The following MAP4K4 variants were observed in gnomAD, a reference collection of about 807,000 sequenced individuals.
The protein encoded by MAP4K4 is mitogen-activated protein kinase kinase kinase kinase 4.
Under a neutral mutation model 189.6 loss-of-function variants are expected in MAP4K4, and 38 were observed. The observed-to-expected ratio is 0.20, with a 90% CI of 0.15 to 0.26. The LOEUF is 0.26. Ranked by LOEUF, MAP4K4 falls within the 10% of genes least tolerant of loss-of-function variation. The probability of loss-of-function intolerance (pLI) is 1.00; values close to 1 mark genes in which losing one functional copy is unlikely to be tolerated. For synonymous variants in MAP4K4, 610 were observed against 624.3 expected (o/e 0.98, Z 0.34); for missense variants, 1,054 against 1,726.9 (o/e 0.61, Z 6.91).
intron 2 of MAP4K4, among the ~76,000 whole-genome samples, chr2:101,723,313 T>A (rs919143377): frequency 4.6e-5 from 7 of 152,338 alleles, no homozygotes; most frequent in Admixed American, 1.3e-4. Context: ...GACATCTCAC[T>A]GTATAAACTA....
intron 2 of MAP4K4, among the ~76,000 whole-genome samples, chr2:101,785,148 A>T (rs2089989811): frequency 6.6e-6 from 1 of 152,208 alleles, no homozygotes; most frequent in South Asian, 2.1e-4. Flanking sequence ...TGTTATTCCT[A>T]ACTTCTGTGT....
rs1324043866 is a variant in MAP4K4 at position 101,792,610 on chromosome 2, C to CTCT, written c.180+1836_180+1837insTTC. Among the ~76,000 whole-genome samples, 267 of 149,284 alleles carry CTCT rather than the reference C, an allele frequency of 1.8e-3. 2 individuals are homozygous for CTCT. Among genetic ancestry groups the CTCT allele is most frequent in the African/African-American group, 6.5e-3 (254 of 39,244 alleles). On this transcript the variant is annotated intron_variant, in intron 3 of 32. Coordinates refer to ENST00000324219, the Ensembl canonical transcript of MAP4K4. ...CCTTCTCCTCCTTCTCCTCCTCCTC[C>CTCT]TCCTCCTCCTCCTCCTCCTTCTTCT... is the stretch of plus-strand genomic sequence containing the variant.
Position 101,871,487 on chromosome 2 carries a change from T to C in MAP4K4, c.2761-7T>C, listed in dbSNP as rs2098021913. Reference sequence around the variant, plus strand: ...GAGCGAGACAAGTGTGCCTGTTTTTTCTACAGAGTACAGTTGACCAAAAGC... The same window carrying C: ...GAGCGAGACAAGTGTGCCTGTTTTTCCTACAGAGTACAGTTGACCAAAAGC... On this transcript the variant is annotated splice_region_variant and splice_polypyrimidine_tract_variant and intron_variant, in intron 23 of 32. Coordinates refer to ENST00000324219, the Ensembl canonical transcript of MAP4K4. The C allele has an allele frequency of 6.6e-7, 1 of 1,526,714 alleles. No homozygotes were observed. Among genetic ancestry groups the C allele is most frequent in the South Asian group, 1.2e-5 (1 of 83,320 alleles). 94.6% of individuals were successfully genotyped at this position (1,526,714 alleles called of 1,614,324 possible).
At chr2:101,836,448 C>T (rs1006778787) in intron 9 of MAP4K4, among the ~76,000 whole-genome samples, 3 of 152,106 alleles carry the variant, frequency 2.0e-5, no homozygotes, top group African/African-American at 4.8e-5. Flanking sequence ...ATTAGCCGGG[C>T]GTGGTGGCAC....
chr2:101,891,163 C>T lies in MAP4K4; in HGVS notation c.4072-3C>T, dbSNP rs1211789841. 1.2e-6 allele frequency: 2 copies of T among 1,612,826 alleles called. No homozygotes were observed. The highest frequency in any genetic ancestry group is 3.3e-5 in the Admixed American group (2 of 60,010). ...CATTCCCTCTCTTTTCTTGCTTTTG[C>T]AGGTGTTCTTTGCCTCTGTTCGGTC... On this transcript the variant is annotated splice_polypyrimidine_tract_variant and splice_region_variant and intron_variant, in intron 32 of 32. Transcript: ENST00000324219.
At chr2:101,734,019 C>G (rs532496710) in intron 2 of MAP4K4, among the ~76,000 whole-genome samples, 3 of 152,260 alleles carry the variant, frequency 2.0e-5, no homozygotes, top group East Asian at 1.9e-4. Flanking sequence ...TTCATAAATT[C>G]GACCGAGCTT....
At chr2:101,707,007 CT>C (rs1007518330) in intron 2 of MAP4K4, among the ~76,000 whole-genome samples, 2 of 152,046 alleles carry the variant, frequency 1.3e-5, no homozygotes, top group African/African-American at 4.8e-5. Context: ...GAAAGGGGAC[CT>C]GGGGCTTTCA....
chr2:101,760,109 G>C (rs2075540311), intron 2 of MAP4K4, among the ~76,000 whole-genome samples: 1 of 151,952 alleles, frequency 6.6e-6, no homozygotes, highest in Admixed American at 6.5e-5. Context: ...GCCTCCCAAA[G>C]TGTTGGGATC....
intron 3 of MAP4K4, among the ~76,000 whole-genome samples, chr2:101,817,887 C>T (rs2095817188): frequency 6.6e-6 from 1 of 152,054 alleles, no homozygotes. Context: ...ACTGATTGAT[C>T]TTGGGGGGTG....
chr2:101,729,103 T>A (rs12474226), intron 2 of MAP4K4, among the ~76,000 whole-genome samples: 255 of 95,042 alleles, frequency 2.7e-3, no homozygotes, highest in South Asian at 0.01. Context: ...AGAGAGAGAG[T>A]GTGTGTGTGT....
At chr2:101,811,682 G>A (rs1380231054) in intron 3 of MAP4K4, among the ~76,000 whole-genome samples, 1 of 152,146 alleles carries the variant, frequency 6.6e-6, no homozygotes, top group Non-Finnish European at 1.5e-5. Context: ...CCCACATGGT[G>A]TTTGCTATGA....
chr2:101,751,971 T>C (rs981914575), intron 2 of MAP4K4, among the ~76,000 whole-genome samples: 9 of 152,158 alleles, frequency 5.9e-5, no homozygotes, highest in African/African-American at 2.2e-4. Flanking sequence ...CTTATCAATG[T>C]TTTACATTTT....
chr2:101,762,954 G>C (rs941192110), intron 2 of MAP4K4, among the ~76,000 whole-genome samples: 12 of 152,282 alleles, frequency 7.9e-5, no homozygotes, highest in Admixed American at 6.5e-4. Flanking sequence ...GCCGCCATTT[G>C]TGGAAATGTG....
chr2:101,789,441 G>T (rs1486362876), intron 2 of MAP4K4, among the ~76,000 whole-genome samples: 8 of 152,062 alleles, frequency 5.3e-5, no homozygotes, highest in Admixed American at 5.2e-4. Context: ...CTATGAAGTG[G>T]GCACTACTAT....
intron 2 of MAP4K4, among the ~76,000 whole-genome samples, chr2:101,706,978 C>T (rs2042645686): frequency 6.6e-6 from 1 of 152,104 alleles, no homozygotes; most frequent in South Asian, 2.1e-4. Flanking sequence ...GAGGCAGTTA[C>T]CAGACTGTGT....
In MAP4K4 at chr2:101,785,623, G is replaced by C. The variant is rs1205507517; in HGVS notation, c.124-5097G>C. On this transcript the variant is annotated intron_variant, in intron 2 of 32. Transcript: ENST00000324219. The stretch of plus-strand genomic sequence containing the variant: ...TGAAGTTACCTAGCCTTTAGTGATA[G>C]TAGAACATTTGAGAAGATAGGAACA... 2.6e-5 allele frequency among the ~76,000 whole-genome samples: 4 copies of C among 151,616 alleles called. 1 individual carries two copies. The highest frequency in any genetic ancestry group is 5.9e-5 in the Non-Finnish European group (4 of 67,936).
At chr2:101,773,730 C>T in intron 2 of MAP4K4, among the ~76,000 whole-genome samples, 1 of 152,128 alleles carries the variant, frequency 6.6e-6, no homozygotes, top group East Asian at 1.9e-4. Context: ...AACCCCCCTC[C>T]CCAACCACAC....
At position 101,871,657 on chromosome 2, in the gene MAP4K4, C is replaced by T. The variant is rs945584571; in HGVS notation, c.2924C>T (p.Thr975Ile). The T allele has an allele frequency of 2.6e-6, 4 of 1,536,784 alleles. No individual in the cohort carries two copies. The Admixed American group carries it at 7.8e-5, about 30-fold the overall frequency. The change falls in exon 24 of 33, where the codon ACA (threonine) becomes ATA (isoleucine). Residue 975 changes from threonine to isoleucine, a missense_variant. Physicochemically the swap from Thr to Ile is moderately conservative, Grantham distance 89. Transcript: ENST00000324219. The stretch of plus-strand genomic sequence containing the variant: ...CCGACACCCACCATGTCCCCACAGA[C>T]ACCCCAGGACAAGCTCACTGCTAAT...
intron 2 of MAP4K4, among the ~76,000 whole-genome samples, chr2:101,778,734 A>G (rs977687280): frequency 2.0e-5 from 3 of 151,858 alleles, no homozygotes; most frequent in Non-Finnish European, 4.4e-5. Flanking sequence ...GGTGCTTTTT[A>G]CTCCTCAGGG....
Sources: gnomAD v4.1 joint callset for allele counts (sites outside exome capture counted in the v4.1 genomes callset) on GRCh38, gnomAD v4.1.1 for gene constraint, MANE v1.5 for transcripts, NCBI Gene and HGNC (gene_info 2026-07-23, HGNC 2026-07-21) for gene names.